Variants in CDHR3 observed in about 807,000 individuals in gnomAD.
CDHR3 encodes the protein cadherin related family member 3.
CDHR3 carries 79 observed loss-of-function variants against 86.6 expected under a neutral mutation model. The ratio of observed to expected loss-of-function variants is 0.91; its 90% CI spans 0.76 to 1.10. The LOEUF (loss-of-function observed/expected upper bound fraction) is 1.10. CDHR3 is among the 50% of genes least tolerant of loss of function. CDHR3 has a pLI of 0.00. For synonymous variants in CDHR3, 421 were observed against 402.4 expected (o/e 1.05, Z -0.55); for missense variants, 1,081 against 1,077.6 (o/e 1.00, Z -0.04).
At position 106,034,402 on chromosome 7, in the gene CDHR3, G is replaced by C. The variant is rs1436138064; in HGVS notation, c.*1705G>C. 8.5e-6 allele frequency among the ~76,000 whole-genome samples: 1 copy of C among 118,014 alleles called. No individual in the cohort carries two copies. The allele number at this position is 118,014 out of a possible 152,430, so 77.4% of individuals were successfully genotyped here. ...CCTACCAGGTCCACAAGGTCCTGTG[G>C]GAGACAGACTGGATCCAGCAAATGT... On this transcript the variant is annotated 3_prime_UTR_variant, in exon 19 of 19. Coordinates refer to ENST00000317716, the MANE Select transcript of CDHR3 (RefSeq NM_152750.5).
At chr7:106,004,873 T>C (rs906756630) in intron 8 of CDHR3, 186 bp downstream of exon 8, 2 of 605,892 alleles carry the variant, frequency 3.3e-6, no homozygotes, top group Admixed American at 3.2e-5. Context: ...TTCTTCCCTC[T>C]CTTTCATTTT....
chr7:106,028,877 A>T (rs1585865317), intron 17 of CDHR3, among the ~76,000 whole-genome samples: 1 of 152,166 alleles, frequency 6.6e-6, no homozygotes, highest in East Asian at 1.9e-4. Context: ...TGAAGCTTAA[A>T]GACCAAAACT....
chr7:105,981,123 C>G lies in CDHR3; in HGVS notation c.405C>G (p.Asn135Lys), dbSNP rs772113039. The G allele has an allele frequency of 1.9e-6, 3 of 1,613,372 alleles. No individual in the cohort carries two copies. The Admixed American group carries it at 5.0e-5, about 27-fold the overall frequency. Residue 135 changes from asparagine (N) to lysine (K), a missense_variant, in exon 3 of 19, where the codon AAC (asparagine) becomes AAG (lysine). Transcript: ENST00000317716. Reference protein sequence around the residue: ...DVNEPPQFQGNLAEGLHLYIV... With the variant: ...DVNEPPQFQGKLAEGLHLYIV... Reference sequence around the variant, plus strand: ...ACGAGCCACCTCAGTTTCAAGGCAACTTGGCAGAAGGTAGGATACACCAGG... The same window carrying G: ...ACGAGCCACCTCAGTTTCAAGGCAAGTTGGCAGAAGGTAGGATACACCAGG...
At chr7:106,013,170 G>A (rs1289881275) in intron 9 of CDHR3, 139 bp downstream of exon 9, 4 of 676,904 alleles carry the variant, frequency 5.9e-6, no homozygotes, top group South Asian at 5.2e-5. Context: ...TTAATAGTGA[G>A]TCTGTGTTCC....
At chr7:105,977,018 T>C (rs956993138) in intron 2 of CDHR3, among the ~76,000 whole-genome samples, 2 of 149,776 alleles carry the variant, frequency 1.3e-5, no homozygotes, top group African/African-American at 4.9e-5. Flanking sequence ...GGTCTCACTA[T>C]GCTGCCCAGG....
In CDHR3 at chr7:106,008,231, G is replaced by A. The variant is rs377275151; in HGVS notation, c.1052+3544G>A. Among the ~76,000 whole-genome samples the A allele has an allele frequency of 1.6e-4, 24 of 152,094 alleles. 2 individuals carry two copies. Among genetic ancestry groups the A allele is most frequent in the East Asian group, 7.7e-4 (4 of 5,176 alleles). On this transcript the variant is annotated intron_variant, in intron 8 of 18. Coordinates refer to ENST00000317716, the MANE Select transcript of CDHR3 (RefSeq NM_152750.5). ...ATATCAGATACCAACCAACTCCCTT[G>A]CCTTCCAGCTTCTAGTTGGCCAATG...
At chr7:106,018,156 C>A in intron 12 of CDHR3, 84 bp downstream of exon 12, 4 of 1,090,062 alleles carry the variant, frequency 3.7e-6, no homozygotes, top group South Asian at 2.9e-5. Flanking sequence ...GTGGATGTGG[C>A]AATGAGGAAA....
chr7:106,028,921 T>TTTCTTTCTTTCTTTCC (rs1837816012), intron 17 of CDHR3, among the ~76,000 whole-genome samples: 1 of 58,154 alleles, frequency 1.7e-5, no homozygotes, highest in African/African-American at 7.6e-5. Flanking sequence ...TTAAATTTTC[T>TTTCTTTCTTTCTTTCC]TTCTTTCTTT....
At chr7:105,983,432 T>C (rs1830064254) in intron 3 of CDHR3, among the ~76,000 whole-genome samples, 1 of 152,150 alleles carries the variant, frequency 6.6e-6, no homozygotes, top group Non-Finnish European at 1.5e-5. Flanking sequence ...AAAGAATAAA[T>C]ACAATACCTG....
intron 14 of CDHR3, 99 bp downstream of exon 14, chr7:106,022,547 G>A (rs1411879172): frequency 1.1e-5 from 16 of 1,508,552 alleles, no homozygotes; most frequent in Non-Finnish European, 1.3e-5. Context: ...GTGGACTGAA[G>A]AGTTGAGGTA....
chr7:106,031,794 G>GAA (rs369328785), intron 18 of CDHR3, among the ~76,000 whole-genome samples: 1 of 137,646 alleles, frequency 7.3e-6, no homozygotes. Flanking sequence ...GTAGTTGAGA[G>GAA]AAAAAAAAAA....
chr7:105,973,011 G>A (rs1309812884), intron 1 of CDHR3, among the ~76,000 whole-genome samples: 3 of 152,132 alleles, frequency 2.0e-5, no homozygotes, highest in African/African-American at 7.2e-5. Context: ...AAACATCCTG[G>A]TTTGTTTGTT....
rs369613662 is a variant in CDHR3 at position 106,009,820 on chromosome 7, A to C, written c.1053-3040A>C. ...TGTAAATTGTCAGGCGATTCAGTGA[A>C]AGCGCTTTGCAAGCTGTTTGTGAGC... is the stretch of plus-strand genomic sequence containing the variant. On this transcript the variant is annotated intron_variant, in intron 8 of 18. Transcript: ENST00000317716. 2.0e-5 allele frequency among the ~76,000 whole-genome samples: 3 copies of C among 152,244 alleles called. No individual in the cohort carries two copies. The East Asian group carries it at 5.8e-4, about 29-fold the overall frequency.
chr7:105,965,653 A>G (rs1016892642), intron 1 of CDHR3, among the ~76,000 whole-genome samples: 3 of 142,572 alleles, frequency 2.1e-5, no homozygotes, highest in Non-Finnish European at 4.5e-5. Flanking sequence ...TTGCCTGCAC[A>G]TGGACTGCCT....
In CDHR3 at chr7:106,028,581, T is replaced by C; in HGVS notation, c.2303T>C (p.Val768Ala). 2 of 1,613,866 alleles carry C rather than the reference T, an allele frequency of 1.2e-6. No homozygotes were observed. Among genetic ancestry groups the C allele is most frequent in the Non-Finnish European group, 1.7e-6 (2 of 1,179,848 alleles). The change falls in exon 17 of 19, where the codon GTG becomes GCG. Residue 768 changes from valine to alanine, a missense_variant and splice_region_variant. Physicochemically the swap from Val to Ala is moderately conservative, Grantham distance 64. Coordinates refer to ENST00000317716, the MANE Select transcript of CDHR3 (RefSeq NM_152750.5). Reference protein sequence around the residue: ...ETKTAERDVVVETIQMNTIFD... With the variant: ...ETKTAERDVVAETIQMNTIFD... ...AAGACTGCAGAGAGAGACGTCGTGG[T>C]GGTGAGTATGGGCAGTGTGGGGCAC...
At chr7:105,976,535 C>T (rs1828836528) in intron 2 of CDHR3, among the ~76,000 whole-genome samples, 2 of 152,204 alleles carry the variant, frequency 1.3e-5, no homozygotes, top group African/African-American at 4.8e-5. Flanking sequence ...GTCATGCAAG[C>T]ATCACCACAA....
At chr7:106,019,262 A>G (rs1937205982) in intron 12 of CDHR3, among the ~76,000 whole-genome samples, 1 of 152,102 alleles carries the variant, frequency 6.6e-6, no homozygotes, top group South Asian at 2.1e-4. Context: ...GATAACCCCA[A>G]TGCCTGAATA....
At position 105,995,842 on chromosome 7, in the gene CDHR3, C is replaced by T. The variant is rs539164141; in HGVS notation, c.609-408C>T. 1.1e-4 allele frequency among the ~76,000 whole-genome samples: 17 copies of T among 152,170 alleles called. No homozygotes were observed. The South Asian group carries it at 3.1e-3, about 28-fold the overall frequency. ...GGGAAGTGGATGACAACACATTGGC[C>T]TTGGGGTGAAGCAGGTGAGGCTCCT... On this transcript the variant is annotated intron_variant, in intron 5 of 18. Coordinates refer to ENST00000317716, the MANE Select transcript of CDHR3 (RefSeq NM_152750.5).
intron 2 of CDHR3, among the ~76,000 whole-genome samples, chr7:105,978,233 G>A (rs547360239): frequency 4.6e-5 from 7 of 152,282 alleles, no homozygotes; most frequent in Non-Finnish European, 1.0e-4. Flanking sequence ...GCTAATCATA[G>A]GTCAAGGGTG....
Sources: allele counts gnomAD v4.1 joint callset (sites outside exome capture counted in the v4.1 genomes callset), GRCh38; gene constraint gnomAD v4.1.1; transcripts MANE v1.5; gene names NCBI Gene and HGNC (gene_info 2026-07-23, HGNC 2026-07-21).